Variants in ROBO2 observed in about 807,000 individuals in gnomAD.
ROBO2 encodes roundabout homolog 2.
ROBO2 carries 53 observed loss-of-function variants against 160.8 expected under a neutral mutation model. The observed-to-expected ratio is 0.33, with a 90% CI of 0.26 to 0.41. The LOEUF (loss-of-function observed/expected upper bound fraction) is 0.41. Among genes scored for constraint, ROBO2 ranks in the 10% least tolerant of loss-of-function variants. The pLI, the probability that ROBO2 is intolerant of heterozygous loss-of-function variation, is 1.00. For missense variants in ROBO2, 1,577 were observed against 1,722.4 expected (o/e 0.92, Z 1.49); for synonymous variants, 664 against 611.7 (o/e 1.09, Z -1.26).
intron 2 of ROBO2, among the ~76,000 whole-genome samples, chr3:77,435,281 C>A (rs956438146): frequency 6.6e-6 from 1 of 151,658 alleles, no homozygotes; most frequent in African/African-American, 2.4e-5. Flanking sequence ...CTTTCCATAT[C>A]AGAGATTGTA....
intron 2 of ROBO2, among the ~76,000 whole-genome samples, chr3:76,008,158 C>T (rs527428090): frequency 1.4e-5 from 2 of 141,972 alleles, no homozygotes; most frequent in Admixed American, 1.5e-4. Context: ...TTGCTCGAAC[C>T]TGGGAGGTGG....
At chr3:77,277,200 CTTTCTTTCTTTCTTCT>C (rs1560408737) in intron 2 of ROBO2, among the ~76,000 whole-genome samples, 5 of 129,398 alleles carry the variant, frequency 3.9e-5, no homozygotes, top group African/African-American at 1.4e-4. Context: ...TTCTTTCTTT[CTTTCTTTCTTTCTTCT>C]TTCTTTCTTT....
chr3:76,823,621 T>C (rs2066309038), intron 2 of ROBO2, among the ~76,000 whole-genome samples: 1 of 152,092 alleles, frequency 6.6e-6, no homozygotes, highest in African/African-American at 2.4e-5. Context: ...ATGAGCTCGC[T>C]CTCAAAGGAT....
chr3:76,932,481 A>G (rs2077412132), intron 2 of ROBO2, among the ~76,000 whole-genome samples: 1 of 152,008 alleles, frequency 6.6e-6, no homozygotes. Context: ...TGTAATCCTC[A>G]GTGATTTATG....
intron 2 of ROBO2, among the ~76,000 whole-genome samples, chr3:76,659,331 T>G (rs2110028955): frequency 6.7e-6 from 1 of 149,398 alleles, no homozygotes; most frequent in East Asian, 1.9e-4. Flanking sequence ...TATTTATACA[T>G]ATACATATAT....
intron 2 of ROBO2, among the ~76,000 whole-genome samples, chr3:77,410,791 C>T (rs1185538441): frequency 6.7e-6 from 1 of 148,636 alleles, no homozygotes. Flanking sequence ...TCCTCCTCCT[C>T]CCCCTCCCTC....
chr3:77,468,921 A>T (rs2083066428), intron 2 of ROBO2, among the ~76,000 whole-genome samples: 1 of 152,078 alleles, frequency 6.6e-6, no homozygotes, highest in Admixed American at 6.6e-5. Context: ...ATGTCTCCCC[A>T]CTGAGTTCTT....
intron 22 of ROBO2, 57 bp from the exon 24 acceptor site, chr3:77,622,170 G>T: frequency 6.8e-7 from 1 of 1,467,784 alleles, no homozygotes; most frequent in Non-Finnish European, 9.5e-7. Flanking sequence ...TTAAAATTAT[G>T]ATTTTGTTGC....
At chr3:77,508,196 GTT>G in intron 5 of ROBO2, among the ~76,000 whole-genome samples, 1 of 151,326 alleles carries the variant, frequency 6.6e-6, no homozygotes, top group African/African-American at 2.4e-5. Context: ...TAAATTGAAA[GTT>G]CCAGCCACCT....
intron 2 of ROBO2, among the ~76,000 whole-genome samples, chr3:76,572,185 C>T (rs1036035665): frequency 1.3e-5 from 2 of 151,944 alleles, no homozygotes; most frequent in African/African-American, 4.8e-5. Context: ...TATCACTAAC[C>T]CCATTTTAGA....
chr3:77,150,388 A>G (rs1223086332), intron 2 of ROBO2, among the ~76,000 whole-genome samples: 1 of 152,188 alleles, frequency 6.6e-6, no homozygotes, highest in Non-Finnish European at 1.5e-5. Context: ...TTTATAGCAA[A>G]ACGTAAAGAA....
At chr3:75,908,110 A>C (rs1489547160) in intron 1 of ROBO2, among the ~76,000 whole-genome samples, 4 of 152,154 alleles carry the variant, frequency 2.6e-5, no homozygotes, top group African/African-American at 9.7e-5. Flanking sequence ...CACATGACAC[A>C]CTGTGGATTT....
chr3:77,202,934 C>G (rs528160675), intron 2 of ROBO2, among the ~76,000 whole-genome samples: 13 of 152,174 alleles, frequency 8.5e-5, no homozygotes, highest in Non-Finnish European at 1.5e-4. Flanking sequence ...CCGAACTTTT[C>G]CAGCAGAGAT....
intron 2 of ROBO2, among the ~76,000 whole-genome samples, chr3:77,295,534 G>A (rs557341068): frequency 6.9e-6 from 1 of 145,376 alleles, no homozygotes; most frequent in African/African-American, 2.5e-5. Flanking sequence ...AAATGGGTAA[G>A]CTGAGGCTAG....
chr3:76,679,943 G>C (rs1167663087), intron 2 of ROBO2, among the ~76,000 whole-genome samples: 1 of 152,122 alleles, frequency 6.6e-6, no homozygotes, highest in Non-Finnish European at 1.5e-5. Flanking sequence ...CAGAGCCATT[G>C]GGATTAGAGA....
chr3:76,785,765 A>G (rs1297925683), intron 2 of ROBO2, among the ~76,000 whole-genome samples: 3 of 151,256 alleles, frequency 2.0e-5, no homozygotes, highest in African/African-American at 7.3e-5. Flanking sequence ...AGTGCCAACT[A>G]AGTCAGCCCT....
intron 2 of ROBO2, among the ~76,000 whole-genome samples, chr3:77,015,304 A>C (rs2062170294): frequency 6.6e-6 from 1 of 152,188 alleles, no homozygotes; most frequent in African/African-American, 2.4e-5. Context: ...AAAAAGTGTG[A>C]CCAATTTGTA....
chr3:76,345,602 T>C (rs1437109105), intron 2 of ROBO2, among the ~76,000 whole-genome samples: 2 of 151,928 alleles, frequency 1.3e-5, no homozygotes, highest in African/African-American at 4.8e-5. Context: ...AACCATAAAA[T>C]ATATCTAAAG....
At chr3:76,700,624 A>G (rs906928879) in intron 2 of ROBO2, among the ~76,000 whole-genome samples, 8 of 152,128 alleles carry the variant, frequency 5.3e-5, no homozygotes, top group Non-Finnish European at 5.9e-5. Flanking sequence ...TTAGCCTAAT[A>G]TCCACATTGG....
Sources: gnomAD v4.1 joint callset for allele counts (sites outside exome capture counted in the v4.1 genomes callset) on GRCh38, gnomAD v4.1.1 for gene constraint, MANE v1.5 for transcripts, NCBI Gene and HGNC (gene_info 2026-07-23, HGNC 2026-07-21) for gene names.